Variants in HMGXB4 observed in about 807,000 individuals in gnomAD.
The protein encoded by HMGXB4 is HMG domain-containing protein 4.
HMGXB4 carries 27 observed loss-of-function variants against 63.9 expected under a neutral mutation model. The ratio of observed to expected loss-of-function variants is 0.42; its 90% CI spans 0.31 to 0.58. The LOEUF (loss-of-function observed/expected upper bound fraction) is 0.58. Among genes scored for constraint, HMGXB4 ranks in the 20% least tolerant of loss-of-function variants. HMGXB4 has a pLI of 0.13. For synonymous variants in HMGXB4, 264 were observed against 265.3 expected (o/e 0.99, Z 0.05); for missense variants, 624 against 700.7 (o/e 0.89, Z 1.24).
intron 5 of HMGXB4, among the ~76,000 whole-genome samples, chr22:35,275,936 G>T (rs912845858): frequency 6.6e-6 from 1 of 152,186 alleles, no homozygotes; most frequent in East Asian, 1.9e-4. Flanking sequence ...AGAAGGGTCT[G>T]TGTATCCCAG....
At chr22:35,280,494 C>G (rs1924180066) in intron 5 of HMGXB4, among the ~76,000 whole-genome samples, 1 of 152,124 alleles carries the variant, frequency 6.6e-6, no homozygotes, top group African/African-American at 2.4e-5. Flanking sequence ...GCTTTTCTCC[C>G]AACCCACTGT....
At chr22:35,252,874 C>T (rs566799959), upstream of HMGXB4, among the ~76,000 whole-genome samples, 6 of 152,210 alleles carry the variant, frequency 3.9e-5, no homozygotes, top group Non-Finnish European at 5.9e-5. Flanking sequence ...TGATGGCACG[C>T]GCCTGTAATC....
chr22:35,288,199 G>C, intron 8 of HMGXB4, 39 bp from the exon 9 acceptor site: 1 of 1,404,040 alleles, frequency 7.1e-7, no homozygotes, highest in African/African-American at 1.5e-5. Flanking sequence ...CAAGGCTGTA[G>C]GCAAGTTTTA....
chr22:35,295,485 A>G lies in HMGXB4; in HGVS notation c.*1834A>G, dbSNP rs1233153441. ...CGGGGAAGACATGGATAGTATAGGAAGACATTAATCCTAGCATTGTCATTT... is the reference window on the plus strand; with the variant it reads ...CGGGGAAGACATGGATAGTATAGGAGGACATTAATCCTAGCATTGTCATTT... On this transcript the variant is annotated 3_prime_UTR_variant, in exon 11 of 11. Transcript: ENST00000216106. 1 of 152,662 alleles carries G rather than the reference A, an allele frequency of 6.6e-6. No homozygotes were observed. Among genetic ancestry groups the G allele is most frequent in the East Asian group, 1.9e-4 (1 of 5,204 alleles). The allele number at this position is 152,662 out of a possible 1,614,324, so 9.5% of individuals were successfully genotyped here.
rs1922916073 is a variant in HMGXB4, at chr22:35,262,352, G to C, written c.-39G>C. ...GGTCCTGTAGACGGGAAGGAGCCTG[G>C]ACACAGTGACACATTCTCAAAGGCC... On this transcript the variant is annotated 5_prime_UTR_variant, in exon 2 of 11. Coordinates refer to ENST00000216106, the MANE Select transcript of HMGXB4 (RefSeq NM_001003681.3). The C allele has an allele frequency of 6.2e-7, 1 of 1,608,476 alleles. No homozygotes were observed.
At chr22:35,273,731 A>G (rs1007312829) in intron 5 of HMGXB4, among the ~76,000 whole-genome samples, 1 of 152,212 alleles carries the variant, frequency 6.6e-6, no homozygotes, top group African/African-American at 2.4e-5. Context: ...ATATTTGGAA[A>G]ATAGTTAAGA....
At chr22:35,275,532 C>T (rs753030460) in intron 5 of HMGXB4, among the ~76,000 whole-genome samples, 9 of 152,132 alleles carry the variant, frequency 5.9e-5, no homozygotes, top group Non-Finnish European at 1.0e-4. Flanking sequence ...CAGGTTCTTA[C>T]AGTTCTATGA....
chr22:35,264,707 G>A lies in HMGXB4; in HGVS notation c.319G>A (p.Asp107Asn), dbSNP rs759475064. The A allele has an allele frequency of 6.2e-7, 1 of 1,610,354 alleles. No homozygotes were observed. Among genetic ancestry groups the A allele is most frequent in the South Asian group, 1.1e-5 (1 of 90,368 alleles). Reference sequence around the variant, plus strand: ...GAAAAAGTCCAGCCCACAGTCTACTGATACAGCTATGGACCTGTTGAAAGC... The same window carrying A: ...GAAAAAGTCCAGCCCACAGTCTACTAATACAGCTATGGACCTGTTGAAAGC... ...KKKKSSPQST[D>N]TAMDLLKAIT... is the part of the protein sequence containing the mutation. Residue 107 changes from aspartate to asparagine, a missense_variant, in exon 5 of 11, where the codon GAT becomes AAT. Around this residue, in one of 2 missense-constraint regions of HMGXB4, gnomAD observed 472 missense variants for 470.6 expected, o/e 1.00. Transcript: ENST00000216106.
intron 5 of HMGXB4, among the ~76,000 whole-genome samples, chr22:35,271,019 T>G (rs1923570586): frequency 6.6e-6 from 1 of 151,984 alleles, no homozygotes; most frequent in African/African-American, 2.4e-5. Context: ...TCCCAGCTAC[T>G]TGGGAGGCTG....
chr22:35,275,568 T>C (rs1396261499), intron 5 of HMGXB4, among the ~76,000 whole-genome samples: 3 of 152,174 alleles, frequency 2.0e-5, no homozygotes, highest in African/African-American at 7.2e-5. Flanking sequence ...CAGGACACTT[T>C]ATAAAGAGCA....
At chr22:35,271,351 A>G (rs552236754) in intron 5 of HMGXB4, among the ~76,000 whole-genome samples, 11 of 152,334 alleles carry the variant, frequency 7.2e-5, no homozygotes, top group South Asian at 2.1e-4. Flanking sequence ...AGAAATGCCA[A>G]AGGCCTCTGT....
intron 6 of HMGXB4, 38 bp downstream of exon 6, chr22:35,284,081 A>G: frequency 7.2e-7 from 1 of 1,393,624 alleles, no homozygotes; most frequent in Non-Finnish European, 1.0e-6. Flanking sequence ...TTTGCTTTCC[A>G]TTTATATCTT....
intron 4 of HMGXB4, among the ~76,000 whole-genome samples, 181 bp from the exon 5 acceptor site, chr22:35,264,467 C>G (rs1923060600): frequency 1.3e-5 from 2 of 152,170 alleles, no homozygotes; most frequent in Admixed American, 1.3e-4. Context: ...GAGGCAGACT[C>G]TACCAAGCCA....
At chr22:35,267,360 A>G (rs1227936759) in intron 5 of HMGXB4, among the ~76,000 whole-genome samples, 2 of 152,160 alleles carry the variant, frequency 1.3e-5, no homozygotes, top group African/African-American at 4.8e-5. Flanking sequence ...GATTCTGTTT[A>G]TCCTAAGAAT....
chr22:35,268,353 A>G (rs1923396291), intron 5 of HMGXB4, among the ~76,000 whole-genome samples: 1 of 152,162 alleles, frequency 6.6e-6, no homozygotes, highest in Admixed American at 6.5e-5. Context: ...ATTAAGCTTG[A>G]TAGTCTTCCT....
intron 5 of HMGXB4, among the ~76,000 whole-genome samples, chr22:35,281,230 T>C (rs1457735795): frequency 6.6e-6 from 1 of 152,236 alleles, no homozygotes; most frequent in East Asian, 1.9e-4. Flanking sequence ...ATAATTAGTA[T>C]ATGGTGAAGC....
intron 5 of HMGXB4, among the ~76,000 whole-genome samples, chr22:35,278,877 CAA>C (rs35984118): frequency 1.5e-4 from 16 of 108,412 alleles, no homozygotes; most frequent in Admixed American, 6.5e-4. Flanking sequence ...TGCATCTCTA[CAA>C]AAAAAAAAAA....
chr22:35,257,845 G>A (rs113474591), intron 1 of HMGXB4, among the ~76,000 whole-genome samples: 5 of 152,040 alleles, frequency 3.3e-5, no homozygotes, highest in Non-Finnish European at 7.4e-5. Flanking sequence ...CGCCCCGGGG[G>A]CCTGCGGACC....
intron 9 of HMGXB4, among the ~76,000 whole-genome samples, chr22:35,288,973 C>G (rs1448591757): frequency 6.6e-6 from 1 of 152,094 alleles, no homozygotes; most frequent in Non-Finnish European, 1.5e-5. Context: ...AACCCTGTCT[C>G]TACTAAAAAT....
Sources: gnomAD v4.1 joint callset for allele counts (sites outside exome capture counted in the v4.1 genomes callset) on GRCh38, gnomAD v4.1.1 for gene constraint, gnomAD v4.1.1 regional missense constraint, MANE v1.5 for transcripts, NCBI Gene and HGNC (gene_info 2026-07-23, HGNC 2026-07-21) for gene names.